RBMS1: variants seen among roughly 807,000 people sequenced by gnomAD.
The protein encoded by RBMS1 is RNA binding motif single stranded interacting protein 1, also known as RNA-binding motif, single-stranded-interacting protein 1.
RBMS1 carries 17 observed loss-of-function variants against 62.3 expected under a neutral mutation model. That is an observed-to-expected ratio of 0.27 (90% CI 0.19 to 0.41). The LOEUF is 0.41. Among genes scored for constraint, RBMS1 ranks in the 10% least tolerant of loss-of-function variants. The pLI is 1.00. For synonymous variants in RBMS1, 172 were observed against 170.0 expected, an observed-to-expected ratio of 1.01 and a Z score of -0.09; for missense variants, 334 against 504.5, an observed-to-expected ratio of 0.66 and a Z score of 3.24.
chr2:160,454,687 A>ACTC (rs1295490651), intron 1 of RBMS1, among the ~76,000 whole-genome samples: 1 of 151,848 alleles, frequency 6.6e-6, no homozygotes, highest in East Asian at 1.9e-4. Context: ...CCAACCTAGA[A>ACTC]CTCCTCTAAG....
chr2:160,354,549 T>A (rs533744553), intron 2 of RBMS1, among the ~76,000 whole-genome samples: 1 of 152,156 alleles, frequency 6.6e-6, no homozygotes, highest in Non-Finnish European at 1.5e-5. Context: ...CCAAATGGGC[T>A]AGCAGGCCCA....
At chr2:160,282,006 G>C (rs1688127213) in intron 9 of RBMS1, 4 of 321,258 alleles carry the variant, frequency 1.2e-5, no homozygotes, top group Non-Finnish European at 2.5e-5. Context: ...CCTCTGAATT[G>C]AGAAATAGAT....
chr2:160,275,443 C>A, intron 13 of RBMS1, 187 bp downstream of exon 13: 1 of 1,139,798 alleles, frequency 8.8e-7, no homozygotes, highest in Non-Finnish European at 1.1e-6. Flanking sequence ...TCTCTTTAGA[C>A]AAAATGATTA....
At chr2:160,341,635 G>A (rs778076998) in intron 2 of RBMS1, among the ~76,000 whole-genome samples, 3 of 152,150 alleles carry the variant, frequency 2.0e-5, no homozygotes, top group Non-Finnish European at 4.4e-5. Flanking sequence ...AGTATCTCAA[G>A]GACATTGTCC....
intron 1 of RBMS1, among the ~76,000 whole-genome samples, chr2:160,378,148 A>G (rs201958855): frequency 0.3 from 38,035 of 128,240 alleles, 5,464 homozygotes; most frequent in East Asian, 0.53. Flanking sequence ...TTTAAAGAAA[A>G]AAAAAAAAGG....
At position 160,493,702 on chromosome 2, in the gene RBMS1, G is replaced by T; in HGVS notation, c.-339C>A. On this transcript the variant is annotated 5_prime_UTR_variant, in exon 1 of 14. Transcript: ENST00000348849. ...CTCCGGGGCTGCCAAGGGCTGGCGC[G>T]CTGGCCGCGGTCCGCTCGGGCGAGC... 1 of 389,458 alleles carries T rather than the reference G, an allele frequency of 2.6e-6. No homozygotes were observed. Among genetic ancestry groups the T allele is most frequent in the Non-Finnish European group, 4.7e-6 (1 of 211,776 alleles). 24.1% of individuals were successfully genotyped at this position (389,458 alleles called of 1,614,324 possible). A position where few individuals can be genotyped will look rare whatever the true frequency, so the allele number is the denominator to read the frequency against.
chr2:160,458,257 T>C (rs1684325373), intron 1 of RBMS1, among the ~76,000 whole-genome samples: 1 of 152,182 alleles, frequency 6.6e-6, no homozygotes, highest in African/African-American at 2.4e-5. Context: ...AGCCATGGCA[T>C]CTGGCCTAAA....
chr2:160,315,771 G>C (rs974773027), intron 3 of RBMS1, among the ~76,000 whole-genome samples: 1 of 152,132 alleles, frequency 6.6e-6, no homozygotes, highest in Admixed American at 6.5e-5. Context: ...ATATTTACCA[G>C]CATTGGAGGG....
intron 2 of RBMS1, among the ~76,000 whole-genome samples, chr2:160,351,023 G>A (rs1208355318): frequency 1.3e-5 from 2 of 152,052 alleles, no homozygotes; most frequent in African/African-American, 2.4e-5. Flanking sequence ...CATGTCCTTT[G>A]TAGGGACATG....
chr2:160,367,391 G>A lies in RBMS1; in HGVS notation c.76C>T (p.Gln26Ter). 1.9e-6 allele frequency: 3 copies of A among 1,614,052 alleles called. No homozygotes were observed. The highest frequency in any genetic ancestry group is 2.5e-6 in the Non-Finnish European group (3 of 1,179,964). ...YYYPQYLQAK[Q>*]SLVPAHPMAP... ...ATGGGGTGGGCTGGGACCAGAGACTGCTGGAAAACAAAGATCAGGAGCCTT... is the reference window on the plus strand; with the variant it reads ...ATGGGGTGGGCTGGGACCAGAGACTACTGGAAAACAAAGATCAGGAGCCTT... The change falls in exon 2 of 14, where the codon CAG (glutamine) becomes TAG (stop). Residue 26 changes from glutamine to a stop codon, truncating the protein, a stop_gained and splice_region_variant. Coordinates refer to ENST00000348849, the MANE Select transcript of RBMS1 (RefSeq NM_016836.4). LOFTEE classifies it high-confidence loss of function.
At chr2:160,351,833 G>T (rs1379802398) in intron 2 of RBMS1, among the ~76,000 whole-genome samples, 2 of 152,060 alleles carry the variant, frequency 1.3e-5, no homozygotes, top group African/African-American at 4.8e-5. Flanking sequence ...AAAAAAGAAG[G>T]TGACTAAGCA....
At chr2:160,329,237 C>A (rs1173026681) in intron 2 of RBMS1, among the ~76,000 whole-genome samples, 2 of 152,124 alleles carry the variant, frequency 1.3e-5, no homozygotes, top group Non-Finnish European at 2.9e-5. Context: ...CACTTCAGCT[C>A]TAAAAAATTT....
intron 1 of RBMS1, among the ~76,000 whole-genome samples, chr2:160,414,614 T>C (rs1229374133): frequency 6.6e-6 from 1 of 152,230 alleles, no homozygotes; most frequent in Non-Finnish European, 1.5e-5. Context: ...CATTTTGTGA[T>C]CTAATCTGTT....
intron 3 of RBMS1, among the ~76,000 whole-genome samples, chr2:160,316,219 T>G (rs1690213461): frequency 6.6e-6 from 1 of 152,190 alleles, no homozygotes; most frequent in South Asian, 2.1e-4. Flanking sequence ...GAAATTACTT[T>G]TTTCTTGCTT....
chr2:160,371,614 G>A (rs1036253661), intron 1 of RBMS1, among the ~76,000 whole-genome samples: 2 of 152,126 alleles, frequency 1.3e-5, no homozygotes, highest in Non-Finnish European at 2.9e-5. Flanking sequence ...AGAAAACAAA[G>A]TCACTCGTGA....
intron 1 of RBMS1, among the ~76,000 whole-genome samples, chr2:160,398,185 G>T (rs570032907): frequency 6.6e-6 from 1 of 152,164 alleles, no homozygotes; most frequent in Non-Finnish European, 1.5e-5. Flanking sequence ...CTTTCCCCCA[G>T]AAACTCTTAT....
intron 2 of RBMS1, among the ~76,000 whole-genome samples, chr2:160,343,825 A>T (rs1376374168): frequency 1.3e-5 from 2 of 152,184 alleles, no homozygotes; most frequent in African/African-American, 4.8e-5. Flanking sequence ...ATGCGTTATT[A>T]ATTTAGCAAA....
chr2:160,319,989 A>T (rs909688794), intron 2 of RBMS1, among the ~76,000 whole-genome samples: 7 of 152,210 alleles, frequency 4.6e-5, no homozygotes, highest in African/African-American at 1.4e-4. Flanking sequence ...GATTCTGAGC[A>T]TTTTAACAAT....
At chr2:160,439,012 G>A (rs1683259200) in intron 1 of RBMS1, among the ~76,000 whole-genome samples, 1 of 147,844 alleles carries the variant, frequency 6.8e-6, no homozygotes, top group Non-Finnish European at 1.5e-5. Flanking sequence ...TGGCCAGGCG[G>A]GGGGCTGACC....
Sources: allele counts gnomAD v4.1 joint callset (sites outside exome capture counted in the v4.1 genomes callset), GRCh38; gene constraint gnomAD v4.1.1; transcripts MANE v1.5; gene names NCBI Gene and HGNC (gene_info 2026-07-23, HGNC 2026-07-21).